The following BRD10 variants were observed in gnomAD, a reference collection of about 807,000 sequenced individuals.
BRD10 encodes uncharacterized bromodomain-containing protein 10.
chr9:5,988,315 G>T, the BRD10 span: 3 of 1,558,224 alleles, frequency 1.9e-6, no homozygotes, highest in Non-Finnish European at 2.6e-6. Context: ...TTATGCAGCT[G>T]AAATTATGAA....
At chr9:5,961,747 A>C in the BRD10 span, among the ~76,000 whole-genome samples, 1 of 152,214 alleles carries the variant, frequency 6.6e-6, no homozygotes, top group African/African-American at 2.4e-5. Context: ...AAATGAATTC[A>C]AAACTTAAAA....
the BRD10 span, among the ~76,000 whole-genome samples, chr9:5,938,352 G>C: frequency 6.6e-6 from 1 of 151,980 alleles, no homozygotes; most frequent in South Asian, 2.1e-4. Context: ...TGAGGTGGGA[G>C]AATCACTTAA....
chr9:5,918,218 T>C, the BRD10 span, among the ~76,000 whole-genome samples: 1 of 152,290 alleles, frequency 6.6e-6, no homozygotes, highest in Non-Finnish European at 1.5e-5. Context: ...TTCACTACCC[T>C]CTCCACTTTG....
At chr9:5,897,721 A>C in the BRD10 span, 19 of 1,298,998 alleles carry the variant, frequency 1.5e-5, no homozygotes, top group Non-Finnish European at 2.1e-5. Context: ...TTTCCTCTGA[A>C]TCTCTGGAGA....
At chr9:5,958,267 T>A in the BRD10 span, among the ~76,000 whole-genome samples, 2 of 152,234 alleles carry the variant, frequency 1.3e-5, no homozygotes, top group African/African-American at 4.8e-5. Flanking sequence ...ATATATTTTA[T>A]ACTGTAACTG....
At chr9:5,922,914 T>C in the BRD10 span, 2 of 1,614,022 alleles carry the variant, frequency 1.2e-6, no homozygotes, top group Non-Finnish European at 1.7e-6. Context: ...TTTCTACCTG[T>C]GGAAGGAGGC....
At chr9:5,933,454 C>T in the BRD10 span, among the ~76,000 whole-genome samples, 1 of 152,208 alleles carries the variant, frequency 6.6e-6, no homozygotes, top group Non-Finnish European at 1.5e-5. Flanking sequence ...TTCATGCTTT[C>T]TCATCCAATG....
At chr9:5,929,134 G>A in the BRD10 span, 18 of 1,595,654 alleles carry the variant, frequency 1.1e-5, no homozygotes, top group Admixed American at 3.0e-4. Flanking sequence ...TTCTTTTACA[G>A]CTTGCCTCCG....
chr9:5,959,903 G>A, the BRD10 span, among the ~76,000 whole-genome samples: 10 of 152,066 alleles, frequency 6.6e-5, no homozygotes, highest in Non-Finnish European at 1.0e-4. Context: ...TCTATCATTC[G>A]AACAGCTTCT....
At chr9:5,928,484 T>C in the BRD10 span, among the ~76,000 whole-genome samples, 1 of 152,218 alleles carries the variant, frequency 6.6e-6, no homozygotes, top group Non-Finnish European at 1.5e-5. Flanking sequence ...TCTGGCTTCC[T>C]TCCTCCTTAC....
chr9:5,971,399 C>T, the BRD10 span, among the ~76,000 whole-genome samples: 18 of 152,236 alleles, frequency 1.2e-4, no homozygotes, highest in South Asian at 1.0e-3. Context: ...AACACTTGTC[C>T]ACACGACAGC....
chr9:5,901,651 T>G, the BRD10 span, among the ~76,000 whole-genome samples: 5 of 152,166 alleles, frequency 3.3e-5, no homozygotes, highest in Admixed American at 2.0e-4. Context: ...TCCAAGTAGC[T>G]GGGACCACAG....
At chr9:5,981,620 T>C in the BRD10 span, among the ~76,000 whole-genome samples, 1 of 151,818 alleles carries the variant, frequency 6.6e-6, no homozygotes, top group Non-Finnish European at 1.5e-5. Flanking sequence ...CATGTATCTA[T>C]CTTCTATCTA....
the BRD10 span, among the ~76,000 whole-genome samples, chr9:5,913,575 C>T: frequency 6.6e-6 from 1 of 152,096 alleles, no homozygotes; most frequent in Non-Finnish European, 1.5e-5. Context: ...AACTTGAAAA[C>T]ATAAAGAGGT....
chr9:5,893,694 TTA>T, the BRD10 span, among the ~76,000 whole-genome samples: 2 of 152,134 alleles, frequency 1.3e-5, no homozygotes, highest in Admixed American at 1.3e-4. Context: ...AAATATACTT[TTA>T]TGTCTCGTGT....
the BRD10 span, among the ~76,000 whole-genome samples, chr9:5,883,462 CTTTTTTTT>C: frequency 9.8e-6 from 1 of 102,378 alleles, no homozygotes; most frequent in Non-Finnish European, 1.9e-5. Flanking sequence ...CCTTCTTCTT[CTTTTTTTT>C]TTTTTTTTTT....
the BRD10 span, among the ~76,000 whole-genome samples, chr9:5,956,845 T>C: frequency 1.6e-3 from 249 of 152,258 alleles, 1 homozygote; most frequent in African/African-American, 5.6e-3. Flanking sequence ...CTGTAAATTA[T>C]TGGTGACAGA....
the BRD10 span, among the ~76,000 whole-genome samples, chr9:5,895,696 G>C: frequency 6.6e-6 from 1 of 152,208 alleles, no homozygotes; most frequent in South Asian, 2.1e-4. Context: ...GGCTGATTGG[G>C]TAGGCCAGGG....
At chr9:5,925,182 A>G in the BRD10 span, among the ~76,000 whole-genome samples, 3 of 151,992 alleles carry the variant, frequency 2.0e-5, no homozygotes, top group Admixed American at 6.6e-5. Flanking sequence ...AACACGGTGA[A>G]GCCCTGTCTC....
Sources: gnomAD v4.1 joint callset for allele counts (sites outside exome capture counted in the v4.1 genomes callset) on GRCh38, gnomAD v4.1.1 for gene constraint, MANE v1.5 for transcripts, NCBI Gene and HGNC (gene_info 2026-07-23, HGNC 2026-07-21) for gene names.